The following GABRB2 variants were observed in gnomAD, a reference collection of about 807,000 sequenced individuals.
The protein encoded by GABRB2 is gamma-aminobutyric acid type A receptor subunit beta2, also known as gamma-aminobutyric acid receptor subunit beta-2.
A neutral mutation model predicts 54.7 loss-of-function variants in GABRB2; 16 were observed. The ratio of observed to expected loss-of-function variants is 0.29; its 90% CI spans 0.20 to 0.44. GABRB2 has a LOEUF of 0.44. GABRB2 is among the 20% of genes least tolerant of loss of function. The pLI, the probability that GABRB2 is intolerant of heterozygous loss-of-function variation, is 1.00. For missense variants in GABRB2, 355 were observed against 644.0 expected (o/e 0.55, Z 4.86); for synonymous variants, 244 against 233.8 (o/e 1.04, Z -0.40).
chr5:161,365,612 C>T (rs1754949877), intron 5 of GABRB2, among the ~76,000 whole-genome samples: 1 of 152,010 alleles, frequency 6.6e-6, no homozygotes, highest in African/African-American at 2.4e-5. Flanking sequence ...TTAAGTAACC[C>T]TATTAGAAAA....
intron 5 of GABRB2, among the ~76,000 whole-genome samples, chr5:161,384,990 C>T (rs113183503): frequency 6.6e-6 from 1 of 152,068 alleles, no homozygotes; most frequent in East Asian, 1.9e-4. Flanking sequence ...AGAAGTTTGC[C>T]TATTCCCCTT....
intron 5 of GABRB2, among the ~76,000 whole-genome samples, chr5:161,375,388 A>G (rs1427978345): frequency 1.3e-5 from 2 of 152,190 alleles, no homozygotes; most frequent in Non-Finnish European, 2.9e-5. Flanking sequence ...TGTTCCCTTC[A>G]AGGAGTAATC....
chr5:161,397,012 C>T (rs1756022490), intron 5 of GABRB2, among the ~76,000 whole-genome samples: 2 of 152,144 alleles, frequency 1.3e-5, no homozygotes, highest in Admixed American at 1.3e-4. Context: ...CACAAAATGA[C>T]ATTCTGAATA....
chr5:161,528,325 T>G (rs2113448228), intron 3 of GABRB2, among the ~76,000 whole-genome samples: 1 of 151,914 alleles, frequency 6.6e-6, no homozygotes, highest in South Asian at 2.1e-4. Flanking sequence ...TATTGTTTAT[T>G]ATGTTTACCG....
chr5:161,402,637 C>T (rs555392239), intron 5 of GABRB2, among the ~76,000 whole-genome samples: 2 of 152,254 alleles, frequency 1.3e-5, no homozygotes, highest in South Asian at 2.1e-4. Flanking sequence ...AGGAGAGAGC[C>T]GATCTTCCCA....
chr5:161,487,452 A>G (rs1561668215), intron 3 of GABRB2, among the ~76,000 whole-genome samples: 1 of 151,828 alleles, frequency 6.6e-6, no homozygotes, highest in East Asian at 1.9e-4. Context: ...TAAACATACT[A>G]CTATTTGGGT....
chr5:161,303,608 T>G (rs1757600184), intron 9 of GABRB2, among the ~76,000 whole-genome samples: 1 of 152,022 alleles, frequency 6.6e-6, no homozygotes, highest in Non-Finnish European at 1.5e-5. Context: ...AGAGTAAGAT[T>G]TTACTCTTCA....
intron 3 of GABRB2, among the ~76,000 whole-genome samples, chr5:161,472,670 A>T (rs1289702213): frequency 2.0e-5 from 3 of 151,918 alleles, no homozygotes; most frequent in Non-Finnish European, 4.4e-5. Context: ...AAGCATCCCT[A>T]GTTTTGGCAG....
chr5:161,474,318 G>A (rs1251550055), intron 3 of GABRB2, among the ~76,000 whole-genome samples: 1 of 151,900 alleles, frequency 6.6e-6, no homozygotes, highest in East Asian at 1.9e-4. Flanking sequence ...TAGTCAGGAT[G>A]TTTTGCTCAG....
At chr5:161,396,628 C>T (rs184718935) in intron 5 of GABRB2, among the ~76,000 whole-genome samples, 142 of 152,168 alleles carry the variant, frequency 9.3e-4, no homozygotes, top group African/African-American at 2.7e-3. Context: ...TTTTTTGAGC[C>T]TGTACTGTTC....
chr5:161,398,305 A>G (rs1318236806), intron 5 of GABRB2, among the ~76,000 whole-genome samples: 1 of 152,208 alleles, frequency 6.6e-6, no homozygotes, highest in Non-Finnish European at 1.5e-5. Flanking sequence ...GCTGTCATAC[A>G]CAAAGCAGTA....
intron 6 of GABRB2, 148 bp downstream of exon 6, chr5:161,336,484 A>C (rs1753996548): frequency 1.1e-6 from 1 of 931,074 alleles, no homozygotes; most frequent in Non-Finnish European, 1.6e-6. Context: ...GAGTAGAACA[A>C]TAGACTTCAT....
chr5:161,382,705 T>C (rs1184100871), intron 5 of GABRB2, among the ~76,000 whole-genome samples: 2 of 152,248 alleles, frequency 1.3e-5, no homozygotes, highest in Admixed American at 1.3e-4. Flanking sequence ...CTGGCTTATG[T>C]GACTTGTTAT....
In GABRB2 at chr5:161,288,629, A is replaced by G. The variant is rs1474492300; in HGVS notation, c.*5452T>C. Reference sequence around the variant, plus strand: ...TTAATAGTCCTGTTTTTAGAAAGACATGAAAATAGATGCAATGATATCCAC... The same window carrying G: ...TTAATAGTCCTGTTTTTAGAAAGACGTGAAAATAGATGCAATGATATCCAC... On this transcript the variant is annotated 3_prime_UTR_variant, in exon 10 of 10. Coordinates refer to ENST00000393959, the MANE Select transcript of GABRB2 (RefSeq NM_001371727.1). 6.6e-6 allele frequency: 1 copy of G among 152,656 alleles called. No individual in the cohort carries two copies. The highest frequency in any genetic ancestry group is 1.5e-5 in the Non-Finnish European group (1 of 68,042). 9.5% of individuals were successfully genotyped at this position (152,656 alleles called of 1,614,324 possible).
intron 3 of GABRB2, among the ~76,000 whole-genome samples, chr5:161,482,786 A>C (rs1758803084): frequency 6.6e-6 from 1 of 152,064 alleles, no homozygotes; most frequent in African/African-American, 2.4e-5. Flanking sequence ...TAAGTTTGGT[A>C]TTTTGTTCCA....
At chr5:161,545,358 T>A in intron 2 of GABRB2, 64 bp from the exon 3 acceptor site, 3 of 1,299,602 alleles carry the variant, frequency 2.3e-6, no homozygotes, top group Middle Eastern at 1.9e-4. Flanking sequence ...GCAAGAGTTA[T>A]CCCTGAGCAT....
chr5:161,387,261 G>T (rs1755673510), intron 5 of GABRB2, among the ~76,000 whole-genome samples: 1 of 152,020 alleles, frequency 6.6e-6, no homozygotes, highest in South Asian at 2.1e-4. Context: ...AGTTAAATAT[G>T]TTGGAATTGT....
intron 4 of GABRB2, among the ~76,000 whole-genome samples, chr5:161,413,632 G>T (rs1756583837): frequency 6.6e-6 from 1 of 152,066 alleles, no homozygotes; most frequent in East Asian, 1.9e-4. Flanking sequence ...ATAGAGAGCA[G>T]GCATTTTCAA....
At chr5:161,528,204 C>T (rs919175156) in intron 3 of GABRB2, among the ~76,000 whole-genome samples, 11 of 151,662 alleles carry the variant, frequency 7.3e-5, no homozygotes, top group African/African-American at 2.4e-4. Flanking sequence ...ATATATAACA[C>T]ATTTTATTTC....
Sources: gnomAD v4.1 joint callset for allele counts (sites outside exome capture counted in the v4.1 genomes callset) on GRCh38, gnomAD v4.1.1 for gene constraint, MANE v1.5 for transcripts, NCBI Gene and HGNC (gene_info 2026-07-23, HGNC 2026-07-21) for gene names.